SKAP1: variants seen among roughly 807,000 people sequenced by gnomAD.
SKAP1 encodes src kinase-associated phosphoprotein 1.
In SKAP1, 44 loss-of-function variants were observed where a neutral mutation model predicts 58.5. The observed-to-expected ratio is 0.75, with a 90% CI of 0.59 to 0.97. The LOEUF is 0.97. SKAP1 is among the 50% of genes least tolerant of loss of function. The pLI is 0.00. For synonymous variants in SKAP1, 127 were observed against 149.7 expected (o/e 0.85, Z 1.11); for missense variants, 390 against 435.2 (o/e 0.90, Z 0.92).
chr17:48,325,631 A>T (rs1256776661), intron 4 of SKAP1, among the ~76,000 whole-genome samples: 2 of 152,206 alleles, frequency 1.3e-5, no homozygotes, highest in African/African-American at 4.8e-5. Flanking sequence ...AATTTCTTTT[A>T]AAAAATTTTA....
chr17:48,336,086 A>T (rs2066564753), intron 4 of SKAP1, among the ~76,000 whole-genome samples: 1 of 152,148 alleles, frequency 6.6e-6, no homozygotes, highest in African/African-American at 2.4e-5. Context: ...CACGAGAGGG[A>T]GCTAGAGAAT....
intron 4 of SKAP1, among the ~76,000 whole-genome samples, chr17:48,288,881 G>C (rs2065866640): frequency 1.3e-5 from 2 of 152,124 alleles, no homozygotes; most frequent in Admixed American, 6.5e-5. Context: ...ATATAAACTT[G>C]TGCAGTGTAT....
chr17:48,381,429 C>T (rs2067213486), intron 2 of SKAP1, among the ~76,000 whole-genome samples: 1 of 152,210 alleles, frequency 6.6e-6, no homozygotes, highest in Non-Finnish European at 1.5e-5. Context: ...TGCAATGTGT[C>T]TTACCAAAAA....
At chr17:48,170,547 T>G (rs937397232) in intron 10 of SKAP1, 62 bp downstream of exon 10, 11 of 1,401,450 alleles carry the variant, frequency 7.8e-6, no homozygotes, top group African/African-American at 1.4e-5. Context: ...AGAAAGGTGC[T>G]TTCTCTAATC....
chr17:48,309,042 A>G (rs2066186798), intron 4 of SKAP1, among the ~76,000 whole-genome samples: 1 of 152,086 alleles, frequency 6.6e-6, no homozygotes, highest in Non-Finnish European at 1.5e-5. Context: ...CTGACGGTGT[A>G]TGGGCTTTTT....
chr17:48,344,771 T>C (rs2066700132), intron 4 of SKAP1, among the ~76,000 whole-genome samples: 1 of 152,148 alleles, frequency 6.6e-6, no homozygotes, highest in South Asian at 2.1e-4. Context: ...TTCTGTGTGA[T>C]TCAACCCCCA....
chr17:48,292,381 C>T (rs2065909726), intron 4 of SKAP1, among the ~76,000 whole-genome samples: 1 of 151,818 alleles, frequency 6.6e-6, no homozygotes, highest in Non-Finnish European at 1.5e-5. Context: ...TTTTTTCTGG[C>T]TGATTCAAAA....
chr17:48,316,692 A>G (rs1457917433), intron 4 of SKAP1, among the ~76,000 whole-genome samples: 1 of 152,214 alleles, frequency 6.6e-6, no homozygotes, highest in Non-Finnish European at 1.5e-5. Flanking sequence ...ATAAATGAAT[A>G]GATGAAGAAT....
At chr17:48,398,740 G>A (rs958719810) in intron 1 of SKAP1, among the ~76,000 whole-genome samples, 2 of 152,182 alleles carry the variant, frequency 1.3e-5, no homozygotes, top group Admixed American at 1.3e-4. Flanking sequence ...CACTTTGGGA[G>A]GCCAAGGCGG....
At chr17:48,148,280 T>C (rs1475866114) in intron 11 of SKAP1, among the ~76,000 whole-genome samples, 5 of 151,750 alleles carry the variant, frequency 3.3e-5, no homozygotes, top group East Asian at 1.9e-4. Context: ...AAAGGTGAAA[T>C]AGGGCTGTAA....
intron 4 of SKAP1, among the ~76,000 whole-genome samples, chr17:48,247,138 C>G (rs2065304620): frequency 6.6e-6 from 1 of 152,198 alleles, no homozygotes; most frequent in Non-Finnish European, 1.5e-5. Flanking sequence ...AATTCACTTA[C>G]TTTACAAAAG....
chr17:48,190,126 T>G (rs1319961669), intron 4 of SKAP1, among the ~76,000 whole-genome samples: 1 of 151,302 alleles, frequency 6.6e-6, no homozygotes, highest in Non-Finnish European at 1.5e-5. Flanking sequence ...TTTTTTTTTT[T>G]GAGACAGTCT....
intron 2 of SKAP1, among the ~76,000 whole-genome samples, chr17:48,377,577 C>CAAA (rs766249720): frequency 1.3e-3 from 154 of 116,076 alleles, no homozygotes; most frequent in Middle Eastern, 4.8e-3. Flanking sequence ...GACCCTGTCT[C>CAAA]AAAAAAAAAA....
intron 4 of SKAP1, among the ~76,000 whole-genome samples, chr17:48,205,031 CTTTCTT>C (rs57588902): frequency 0.06 from 3,481 of 58,264 alleles, 87 homozygotes; most frequent in Middle Eastern, 0.073. Context: ...TTCTTTCTTT[CTTTCTT>C]TCTCTCTCTC....
intron 4 of SKAP1, among the ~76,000 whole-genome samples, chr17:48,342,971 C>T (rs570494289): frequency 2.6e-5 from 4 of 151,932 alleles, no homozygotes; most frequent in South Asian, 4.2e-4. Flanking sequence ...GGTGACAGAG[C>T]GAAACTCTGT....
intron 2 of SKAP1, among the ~76,000 whole-genome samples, chr17:48,391,581 G>A (rs1453594337): frequency 3.3e-5 from 5 of 152,162 alleles, no homozygotes; most frequent in Non-Finnish European, 7.3e-5. Flanking sequence ...GCAAAAATTT[G>A]ACTGATATAA....
At chr17:48,316,100 ATAGT>A (rs2066282361) in intron 4 of SKAP1, among the ~76,000 whole-genome samples, 1 of 152,236 alleles carries the variant, frequency 6.6e-6, no homozygotes, top group African/African-American at 2.4e-5. Flanking sequence ...TCTACAAAGA[ATAGT>A]TAGAGAATTC....
chr17:48,163,395 G>A (rs1238725940), intron 10 of SKAP1, among the ~76,000 whole-genome samples: 1 of 152,194 alleles, frequency 6.6e-6, no homozygotes, highest in Admixed American at 6.5e-5. Context: ...GACAGCCATC[G>A]ATTCTTAACA....
chr17:48,355,505 C>T (rs1489653491), intron 3 of SKAP1, among the ~76,000 whole-genome samples: 1 of 152,140 alleles, frequency 6.6e-6, no homozygotes, highest in Non-Finnish European at 1.5e-5. Context: ...CTGGAACTCC[C>T]AGGCTCAAGC....
Sources: gnomAD v4.1 joint callset for allele counts (sites outside exome capture counted in the v4.1 genomes callset) on GRCh38, gnomAD v4.1.1 for gene constraint, MANE v1.5 for transcripts, NCBI Gene and HGNC (gene_info 2026-07-23, HGNC 2026-07-21) for gene names.